The following DPP9 variants were observed in gnomAD, a reference collection of about 807,000 sequenced individuals.
DPP9 encodes dipeptidyl peptidase 9, also known as dipeptidyl peptidase IV-related protein-2.
Under a neutral mutation model 110.7 loss-of-function variants are expected in DPP9, and 50 were observed. The observed-to-expected ratio is 0.45, with a 90% CI of 0.36 to 0.57. The LOEUF is 0.57. Among genes scored for constraint, DPP9 ranks in the 20% least tolerant of loss-of-function variants. The pLI is 0.00. For missense variants in DPP9, 1,022 were observed against 1,217.9 expected, an observed-to-expected ratio of 0.84 and a Z score of 2.39; for synonymous variants, 561 against 514.4, an observed-to-expected ratio of 1.09 and a Z score of -1.23.
At position 4,684,174 on chromosome 19, in the gene DPP9, A is replaced by G. The variant is rs549565571; in HGVS notation, c.2178+489T>C. 12 of 272,978 alleles carry G rather than the reference A, an allele frequency of 4.4e-5. No homozygotes were observed. The highest frequency in any genetic ancestry group is 8.0e-5 in the Non-Finnish European group (11 of 137,996). The allele number at this position is 272,978 out of a possible 1,614,324, so 16.9% of individuals were successfully genotyped here. On this transcript the variant is annotated intron_variant, in intron 18 of 21. Transcript: ENST00000262960. The surrounding 1 kb of genome is among the most constrained non-coding windows in gnomAD (Gnocchi z 4.8). ...CCTTATAAAAGGGCCTGATGGAGGG[A>G]GGCCACGGCTTTTCCGCTCCTTGCA...
Position 4,676,076 on chromosome 19 carries a change from CTT to C in DPP9, c.*486_*487del, listed in dbSNP as rs1220321202. On this transcript the variant is annotated 3_prime_UTR_variant, in exon 22 of 22. Coordinates refer to ENST00000262960, the MANE Select transcript of DPP9 (RefSeq NM_139159.5). This position sits in a 1 kb window ranked among gnomAD's most constrained non-coding sequence, Gnocchi z 4.0. Reference sequence around the variant, plus strand: ...ACGTGAGCCACCGCGCCCGGCCTGTCTTTTAAATAATTATGAAAAATATCCCC... The same window carrying C: ...ACGTGAGCCACCGCGCCCGGCCTGTCTTAAATAATTATGAAAAATATCCCC... 1 of 160,906 alleles carries C rather than the reference CTT, an allele frequency of 6.2e-6. No homozygotes were observed. Among genetic ancestry groups the C allele is most frequent in the East Asian group, 1.8e-4 (1 of 5,538 alleles). 10.0% of individuals were successfully genotyped at this position (160,906 alleles called of 1,614,324 possible).
At chr19:4,712,107 T>C (rs997745319) in intron 4 of DPP9, among the ~76,000 whole-genome samples, 5 of 152,188 alleles carry the variant, frequency 3.3e-5, no homozygotes, top group African/African-American at 1.2e-4. Flanking sequence ...CCCAAGACTG[T>C]GGGCGCCACA....
rs768496647 is a variant in DPP9, at chr19:4,682,746, G to A, written c.2424C>T (p.His808=). 1.8e-5 allele frequency: 29 copies of A among 1,608,150 alleles called. No individual in the cohort carries two copies. The East Asian group carries it at 3.1e-4, about 17-fold the overall frequency. Residue 808 remains histidine, a synonymous_variant, in exon 20 of 22, where the codon CAC becomes CAT. Coordinates refer to ENST00000262960, the MANE Select transcript of DPP9 (RefSeq NM_139159.5). The surrounding 1 kb of genome is among the most constrained non-coding windows in gnomAD (Gnocchi z 7.1). ...GGGCCACGGAACCCGCCTCATAGCC[G>A]TGCTGGTTGTTCTCAGGGACGTCCA... ...RYMDVPENNQ[H]GYEAGSVALH... is the part of the protein sequence containing the mutation.
intron 21 of DPP9, among the ~76,000 whole-genome samples, chr19:4,678,902 A>G (rs955021307): frequency 1.3e-5 from 2 of 151,994 alleles, no homozygotes; most frequent in African/African-American, 4.8e-5. Context: ...CAGGCCATCC[A>G]CAAAGCAGCC....
chr19:4,706,027 C>T, intron 4 of DPP9, 57 bp from the exon 5 acceptor site: 1 of 1,486,912 alleles, frequency 6.7e-7, no homozygotes. Context: ...TGGGGAGACG[C>T]CCTCAGCCTG....
chr19:4,679,988 C>A, intron 20 of DPP9, 42 bp from the exon 21 acceptor site: 1 of 1,477,140 alleles, frequency 6.8e-7, no homozygotes, highest in South Asian at 1.2e-5. Flanking sequence ...AGGGATTGTC[C>A]GTGGGGTAGG....
chr19:4,676,133 A>G lies in DPP9; in HGVS notation c.*431T>C. ...ACAAAACACAAACATCAAGTTGGGGAGGCTGGCCGGGGGGGACAGGCAATT... is the reference window on the plus strand; with the variant it reads ...ACAAAACACAAACATCAAGTTGGGGGGGCTGGCCGGGGGGGACAGGCAATT... On this transcript the variant is annotated 3_prime_UTR_variant, in exon 22 of 22. Coordinates refer to ENST00000262960, the MANE Select transcript of DPP9 (RefSeq NM_139159.5). This position sits in a 1 kb window ranked among gnomAD's most constrained non-coding sequence, Gnocchi z 4.0. 5.7e-6 allele frequency: 1 copy of G among 176,946 alleles called. No homozygotes were observed. The allele number at this position is 176,946 out of a possible 1,614,324, so 11.0% of individuals were successfully genotyped here.
At position 4,706,093 on chromosome 19, in the gene DPP9, G is replaced by C. The variant is rs938006354; in HGVS notation, c.314-123C>G. On this transcript the variant is annotated intron_variant, in intron 4 of 21. Coordinates refer to ENST00000262960, the MANE Select transcript of DPP9 (RefSeq NM_139159.5). Reference sequence around the variant, plus strand: ...TAGAACATTCTGCCAGGCCGCCGGCGGGACAGCCCTCCCCGGAAAGCTATG... The same window carrying C: ...TAGAACATTCTGCCAGGCCGCCGGCCGGACAGCCCTCCCCGGAAAGCTATG... The C allele has an allele frequency of 9.2e-6, 7 of 762,844 alleles. No individual in the cohort carries two copies. In the Admixed American group the frequency reaches 2.0e-4, roughly 22 times the overall value. The allele number at this position is 762,844 out of a possible 1,614,324, so 47.3% of individuals were successfully genotyped here.
intron 1 of DPP9, 187 bp from the exon 2 acceptor site, chr19:4,722,738 A>T: frequency 1.7e-6 from 1 of 580,626 alleles, no homozygotes; most frequent in African/African-American, 1.9e-5. Context: ...AAGCCATCCC[A>T]CGGGCCCCGA....
At chr19:4,683,435 C>T in intron 19 of DPP9, 42 bp downstream of exon 19, 1 of 1,610,020 alleles carries the variant, frequency 6.2e-7, no homozygotes, top group Non-Finnish European at 8.5e-7. Context: ...GGGAAGGGGG[C>T]AGGGAGGGGC....
rs994975717 is a variant in DPP9, at chr19:4,682,452, C to T, written c.2474+244G>A. Among the ~76,000 whole-genome samples, 8 of 151,888 alleles carry T rather than the reference C, an allele frequency of 5.3e-5. No individual in the cohort carries two copies. The highest frequency in any genetic ancestry group is 1.7e-4 in the African/African-American group (7 of 41,322). ...CAGGGCAGGGCTGTGAGCCTCCTTC[C>T]CCAGACAAGCATCCCTGGGTGCCCC... On this transcript the variant is annotated intron_variant, in intron 20 of 21. Transcript: ENST00000262960. This position sits in a 1 kb window ranked among gnomAD's most constrained non-coding sequence, Gnocchi z 7.1.
intron 3 of DPP9, 97 bp downstream of exon 3, chr19:4,719,754 A>G: frequency 7.2e-7 from 1 of 1,380,908 alleles, no homozygotes; most frequent in Non-Finnish European, 1.0e-6. Context: ...AAGCCAGGGG[A>G]GAGGGAAAGA....
At position 4,697,625 on chromosome 19, in the gene DPP9, C is replaced by G. The variant is rs571157405; in HGVS notation, c.1101G>C (p.Leu367=). 5.0e-6 allele frequency: 8 copies of G among 1,613,856 alleles called. No individual in the cohort carries two copies. In the Admixed American group the frequency reaches 1.3e-4, roughly 27 times the overall value. Residue 367 remains leucine (L), a synonymous_variant, in exon 11 of 22, where the codon CTG becomes CTC. Coordinates refer to ENST00000262960, the MANE Select transcript of DPP9 (RefSeq NM_139159.5). ...GGAACAGCGAGCTGAAGGGCTGCAC[C>G]AGCTCCTTCTCCTGGGTCGAGACGA... ...GKIVSTQEKE[L]VQPFSSLFPK... is the part of the protein sequence containing the mutation.
chr19:4,685,613 G>C lies in DPP9; in HGVS notation c.2031+13C>G, dbSNP rs983043670. The C allele has an allele frequency of 1.1e-5, 18 of 1,596,886 alleles. No individual in the cohort carries two copies. The highest frequency in any genetic ancestry group is 1.4e-5 in the Non-Finnish European group (16 of 1,172,722). ...TGGTGGGGTGGGGGCCTGGGGAGCA[G>C]GTGTGCACTCACCTGGGGGCCTCCA... On this transcript the variant is annotated intron_variant, in intron 17 of 21. Transcript: ENST00000262960. The surrounding 1 kb of genome is among the most constrained non-coding windows in gnomAD (Gnocchi z 5.8).
rs1311601863 is a variant in DPP9, at chr19:4,698,747, C to CA, written c.1075-1097dup. On this transcript the variant is annotated intron_variant, in intron 10 of 21. Transcript: ENST00000262960. This position sits in a 1 kb window ranked among gnomAD's most constrained non-coding sequence, Gnocchi z 4.2. ...CCTAGACGACAGTGAGACCCTGTCT[C>CA]AAAAAACAAGAACAAACAAGCAAAG... is the stretch of plus-strand genomic sequence containing the variant. Among the ~76,000 whole-genome samples, 1 of 151,926 alleles carries CA rather than the reference C, an allele frequency of 6.6e-6. No individual in the cohort carries two copies. The highest frequency in any genetic ancestry group is 6.6e-5 in the Admixed American group (1 of 15,240).
intron 21 of DPP9, among the ~76,000 whole-genome samples, chr19:4,677,161 C>T (rs2145226083): frequency 6.6e-6 from 1 of 152,230 alleles, no homozygotes; most frequent in African/African-American, 2.4e-5. Flanking sequence ...GGGGATCAAG[C>T]CAAGAGGCAG....
At chr19:4,712,899 C>T (rs114841250) in intron 4 of DPP9, among the ~76,000 whole-genome samples, 156 of 152,324 alleles carry the variant, frequency 1.0e-3, no homozygotes, top group African/African-American at 3.4e-3. Context: ...GGATGACGGC[C>T]GTTCACTGGT....
chr19:4,680,896 G>A (rs1024471009), intron 20 of DPP9, among the ~76,000 whole-genome samples: 2 of 152,048 alleles, frequency 1.3e-5, no homozygotes, highest in Non-Finnish European at 2.9e-5. Context: ...GGTGGAGGTT[G>A]CAGTGAGCTG....
chr19:4,689,652 A>T lies in DPP9; in HGVS notation c.1667T>A (p.Leu556His). ...GTKDTPLEHHLYVVSYEAAGE... is the reference protein window; with the variant it reads ...GTKDTPLEHHHYVVSYEAAGE... ...GGCCGCCTCATAGCTGACCACGTAG[A>T]GGTGGTGCTCCAGCGGCGTGTCCTT... Residue 556 changes from leucine (L) to histidine (H), a missense_variant, in exon 15 of 22, where the codon CTC becomes CAC. Leu to His is a moderately conservative substitution (Grantham distance 99). Coordinates refer to ENST00000262960, the MANE Select transcript of DPP9 (RefSeq NM_139159.5). This position sits in a 1 kb window ranked among gnomAD's most constrained non-coding sequence, Gnocchi z 7.0. The T allele has an allele frequency of 6.4e-7, 1 of 1,566,806 alleles. No homozygotes were observed. The highest frequency in any genetic ancestry group is 8.7e-7 in the Non-Finnish European group (1 of 1,155,712).
Sources: allele counts gnomAD v4.1 joint callset (sites outside exome capture counted in the v4.1 genomes callset), GRCh38; gene constraint gnomAD v4.1.1; non-coding constraint Gnocchi (gnomAD v3.1); transcripts MANE v1.5; gene names NCBI Gene and HGNC (gene_info 2026-07-23, HGNC 2026-07-21).